Variants in PCDH9 observed in about 807,000 individuals in gnomAD.
The protein encoded by PCDH9 is protocadherin-9.
In PCDH9, 24 loss-of-function variants were observed where a neutral mutation model predicts 70.6. The observed-to-expected ratio is 0.34, with a 90% CI of 0.25 to 0.48. The LOEUF is 0.48. Ranked by LOEUF, PCDH9 falls within the 20% of genes least tolerant of loss-of-function variation. The pLI is 0.99. For missense variants in PCDH9, 1,281 were observed against 1,503.6 expected, an observed-to-expected ratio of 0.85 and a Z score of 2.45; for synonymous variants, 562 against 558.5, an observed-to-expected ratio of 1.01 and a Z score of -0.09.
At chr13:66,582,675 C>T (rs965290408) in intron 4 of PCDH9, among the ~76,000 whole-genome samples, 5 of 151,976 alleles carry the variant, frequency 3.3e-5, no homozygotes, top group Non-Finnish European at 5.9e-5. Flanking sequence ...AAAATATTAA[C>T]GAGTTGACTG....
At chr13:66,755,120 C>T (rs764758217) in intron 3 of PCDH9, among the ~76,000 whole-genome samples, 3 of 152,124 alleles carry the variant, frequency 2.0e-5, no homozygotes, top group African/African-American at 7.2e-5. Flanking sequence ...TTTAAAATCA[C>T]TTTAATCCAT....
chr13:66,384,385 C>T (rs1956893987), intron 4 of PCDH9, among the ~76,000 whole-genome samples: 1 of 152,004 alleles, frequency 6.6e-6, no homozygotes, highest in Non-Finnish European at 1.5e-5. Context: ...GAATGTTAAA[C>T]TGTTTTTGTT....
chr13:67,072,032 G>A (rs993771342), intron 2 of PCDH9, among the ~76,000 whole-genome samples: 2 of 151,934 alleles, frequency 1.3e-5, no homozygotes, highest in African/African-American at 4.8e-5. Flanking sequence ...GTAGAGTTTT[G>A]CATAAGGCTT....
At chr13:67,056,407 A>G (rs953247618) in intron 2 of PCDH9, among the ~76,000 whole-genome samples, 3 of 152,132 alleles carry the variant, frequency 2.0e-5, no homozygotes, top group Non-Finnish European at 4.4e-5. Context: ...TAAGATGCAT[A>G]GTCAATTATT....
intron 4 of PCDH9, among the ~76,000 whole-genome samples, chr13:66,315,018 GT>G (rs1955626165): frequency 6.6e-6 from 1 of 152,190 alleles, no homozygotes; most frequent in South Asian, 2.1e-4. Context: ...GCAGGTGGGA[GT>G]CCAGATTCCA....
intron 2 of PCDH9, among the ~76,000 whole-genome samples, chr13:67,138,288 A>G (rs888099656): frequency 9.9e-5 from 15 of 152,202 alleles, no homozygotes; most frequent in Admixed American, 6.6e-4. Flanking sequence ...CCTGTTTAGA[A>G]TATTATCTAG....
intron 2 of PCDH9, chr13:67,211,783 G>A (rs1407652500): frequency 1.3e-5 from 2 of 152,068 alleles, no homozygotes; most frequent in Non-Finnish European, 2.9e-5. Context: ...GATAAAATCA[G>A]AACCATCTGG....
In PCDH9 at chr13:67,225,567, C is replaced by T; in HGVS notation, c.2874G>A (p.Val958=). 1 of 1,614,130 alleles carries T rather than the reference C, an allele frequency of 6.2e-7. No homozygotes were observed. Among genetic ancestry groups the T allele is most frequent in the Non-Finnish European group, 8.5e-7 (1 of 1,180,014 alleles). The change falls in exon 2 of 5, where the codon GTG becomes GTA. Residue 958 remains valine, a synonymous_variant. Transcript: ENST00000377865. ...FHLKPDTPVS[V]KKHHVIQELP... is the part of the protein sequence containing the mutation. ...GTTCCTGAATCACGTGGTGCTTTTT[C>T]ACGGAAACTGGAGTGTCTGGTTTGA...
chr13:66,749,360 C>T (rs192136331), intron 3 of PCDH9, among the ~76,000 whole-genome samples: 6 of 152,148 alleles, frequency 3.9e-5, no homozygotes, highest in Admixed American at 6.5e-5. Context: ...TTGCACCCAC[C>T]GCAGGAGGAA....
chr13:67,062,581 T>C (rs531585751), intron 2 of PCDH9, among the ~76,000 whole-genome samples: 7 of 152,300 alleles, frequency 4.6e-5, no homozygotes, highest in Admixed American at 2.0e-4. Flanking sequence ...AAGAGAATCA[T>C]CAGGAACTAT....
At chr13:66,349,848 A>G (rs1358025730) in intron 4 of PCDH9, among the ~76,000 whole-genome samples, 2 of 152,166 alleles carry the variant, frequency 1.3e-5, no homozygotes, top group Non-Finnish European at 2.9e-5. Context: ...AACTACTACT[A>G]TGCGAGCACA....
chr13:66,812,963 C>A (rs76946909), intron 3 of PCDH9, among the ~76,000 whole-genome samples: 4,717 of 152,220 alleles, frequency 0.031, 232 homozygotes, highest in African/African-American at 0.11. Context: ...TCTGTAGTAT[C>A]CAAAATGAGG....
At chr13:66,680,552 G>GT (rs1216819504) in intron 3 of PCDH9, among the ~76,000 whole-genome samples, 1 of 151,816 alleles carries the variant, frequency 6.6e-6, no homozygotes, top group African/African-American at 2.4e-5. Context: ...TTCACAAAGT[G>GT]TTTTTTGACA....
Position 66,631,336 on chromosome 13 carries a change from C to T in PCDH9, c.3214G>A (p.Glu1072Lys). 6.2e-7 allele frequency: 1 copy of T among 1,607,810 alleles called. No individual in the cohort carries two copies. The highest frequency in any genetic ancestry group is 8.5e-7 in the Non-Finnish European group (1 of 1,174,278). ...SCSDSGLGDH[E>K]PVGSGTLISH... ...ATCAGGGTTCCACTACCCACCGGCT[C>T]ATGGTCTCCTAGACCACTGTCACTG... Residue 1072 changes from glutamate to lysine, a missense_variant, in exon 4 of 5, where the codon GAG (glutamate) becomes AAG (lysine). By Grantham distance (56) the Glu-to-Lys change is moderately conservative. Transcript: ENST00000377865.
intron 4 of PCDH9, among the ~76,000 whole-genome samples, chr13:66,413,985 T>C (rs1299054405): frequency 6.6e-6 from 1 of 151,978 alleles, no homozygotes; most frequent in African/African-American, 2.4e-5. Flanking sequence ...CTTCCTTATG[T>C]AAAATTCTTA....
At chr13:67,109,959 A>G (rs1027328505) in intron 2 of PCDH9, among the ~76,000 whole-genome samples, 1 of 152,150 alleles carries the variant, frequency 6.6e-6, no homozygotes, top group Non-Finnish European at 1.5e-5. Context: ...CTTATTATGT[A>G]TATAACACTT....
intron 2 of PCDH9, chr13:67,220,185 C>T (rs1004100341): frequency 3.3e-5 from 5 of 151,340 alleles, no homozygotes; most frequent in Admixed American, 6.6e-5. Flanking sequence ...AATAAGACAA[C>T]AAAAATTGTT....
intron 4 of PCDH9, among the ~76,000 whole-genome samples, chr13:66,584,133 T>C (rs2076932131): frequency 6.6e-6 from 1 of 152,194 alleles, no homozygotes; most frequent in Admixed American, 6.5e-5. Flanking sequence ...TGCAAGGAAC[T>C]AAAAACATCT....
chr13:66,782,372 AGATT>A (rs1315595296), intron 3 of PCDH9, among the ~76,000 whole-genome samples: 3 of 152,168 alleles, frequency 2.0e-5, no homozygotes, highest in African/African-American at 7.2e-5. Context: ...GTCAGCTGGC[AGATT>A]GATTGATTTT....
Sources: allele counts gnomAD v4.1 joint callset (sites outside exome capture counted in the v4.1 genomes callset), GRCh38; gene constraint gnomAD v4.1.1; transcripts MANE v1.5; gene names NCBI Gene and HGNC (gene_info 2026-07-23, HGNC 2026-07-21).